Variants in OXR1 observed in about 807,000 individuals in gnomAD.
OXR1 encodes oxidation resistance protein 1.
A neutral mutation model predicts 104.6 loss-of-function variants in OXR1; 41 were observed. The ratio of observed to expected loss-of-function variants is 0.39; its 90% CI spans 0.31 to 0.51. OXR1 has a LOEUF of 0.51. OXR1 is among the 20% of genes least tolerant of loss of function. OXR1 has a pLI of 0.77. For synonymous variants in OXR1, 348 were observed against 348.4 expected (o/e 1.00, Z 0.01); for missense variants, 955 against 1,031.9 (o/e 0.93, Z 1.02).
chr8:106,554,742 G>A (rs184074366), intron 3 of OXR1, among the ~76,000 whole-genome samples: 135 of 152,222 alleles, frequency 8.9e-4, no homozygotes, highest in Admixed American at 2.8e-3. Context: ...CAAATTATAT[G>A]AGAACCAGTG....
At chr8:106,516,005 T>G (rs1812832126) in intron 2 of OXR1, among the ~76,000 whole-genome samples, 1 of 152,126 alleles carries the variant, frequency 6.6e-6, no homozygotes, top group Admixed American at 6.6e-5. Flanking sequence ...TTAAGAACCT[T>G]GAAGCTCTAT....
At chr8:106,507,622 G>T (rs1294767958) in intron 2 of OXR1, among the ~76,000 whole-genome samples, 4 of 152,234 alleles carry the variant, frequency 2.6e-5, no homozygotes. Context: ...GAAAAGGAGA[G>T]AAGAAATTAG....
intron 3 of OXR1, among the ~76,000 whole-genome samples, chr8:106,576,707 T>G (rs1208606335): frequency 1.3e-5 from 2 of 152,080 alleles, no homozygotes; most frequent in African/African-American, 4.8e-5. Flanking sequence ...ATTATTTGTT[T>G]TATAAAATAA....
chr8:106,476,689 C>T (rs1462804853), intron 2 of OXR1, among the ~76,000 whole-genome samples: 1 of 151,966 alleles, frequency 6.6e-6, no homozygotes, highest in Non-Finnish European at 1.5e-5. Flanking sequence ...GGGAACTTGT[C>T]TGCTGCCTGT....
At chr8:106,484,251 A>G (rs924743755) in intron 2 of OXR1, among the ~76,000 whole-genome samples, 4 of 152,036 alleles carry the variant, frequency 2.6e-5, no homozygotes, top group African/African-American at 9.7e-5. Context: ...TAGGACAACT[A>G]TAGTTAACAA....
intron 3 of OXR1, among the ~76,000 whole-genome samples, chr8:106,566,010 C>T (rs1284807055): frequency 6.6e-6 from 1 of 152,114 alleles, no homozygotes; most frequent in African/African-American, 2.4e-5. Context: ...AGACTCAAAA[C>T]CATAAAAACC....
intron 1 of OXR1, among the ~76,000 whole-genome samples, chr8:106,344,017 G>A (rs1018109804): frequency 6.6e-6 from 1 of 152,094 alleles, no homozygotes; most frequent in Non-Finnish European, 1.5e-5. Context: ...CCAGATGACT[G>A]GTAGTTCAGA....
At chr8:106,713,730 T>A (rs1831944767) in intron 10 of OXR1, 93 bp from the exon 11 acceptor site, 1 of 663,686 alleles carries the variant, frequency 1.5e-6, no homozygotes, top group African/African-American at 1.9e-5. Flanking sequence ...ATATTTTAAG[T>A]CTTCAAGATT....
chr8:106,509,484 G>A (rs1255047881), intron 2 of OXR1, among the ~76,000 whole-genome samples: 2 of 152,176 alleles, frequency 1.3e-5, no homozygotes, highest in African/African-American at 4.8e-5. Flanking sequence ...AAGGAAACAT[G>A]CTACATATTT....
At chr8:106,386,655 G>GA (rs1484922478) in intron 2 of OXR1, among the ~76,000 whole-genome samples, 1 of 152,140 alleles carries the variant, frequency 6.6e-6, no homozygotes, top group African/African-American at 2.4e-5. Flanking sequence ...AAGTCAAGGG[G>GA]AAAATGGGAA....
At chr8:106,493,939 A>G (rs1350447847) in intron 2 of OXR1, among the ~76,000 whole-genome samples, 1 of 152,174 alleles carries the variant, frequency 6.6e-6, no homozygotes, top group Non-Finnish European at 1.5e-5. Context: ...CATGGTCTTG[A>G]CTAATATATT....
intron 1 of OXR1, among the ~76,000 whole-genome samples, chr8:106,293,482 C>T (rs1812843129): frequency 6.6e-6 from 1 of 152,172 alleles, no homozygotes; most frequent in Admixed American, 6.5e-5. Flanking sequence ...TGGTTGCCAA[C>T]ATTACTTGGA....
chr8:106,325,998 C>G (rs1814453933), intron 1 of OXR1, among the ~76,000 whole-genome samples: 2 of 152,128 alleles, frequency 1.3e-5, no homozygotes, highest in Non-Finnish European at 2.9e-5. Context: ...TATGTATAGT[C>G]ATTAGTTATC....
chr8:106,395,102 A>T (rs1322973951), intron 2 of OXR1, among the ~76,000 whole-genome samples: 2 of 152,172 alleles, frequency 1.3e-5, no homozygotes, highest in African/African-American at 4.8e-5. Context: ...GTGCATAGCG[A>T]TACCTTCTGG....
chr8:106,577,502 G>T (rs1316853872), intron 3 of OXR1, among the ~76,000 whole-genome samples: 2 of 143,396 alleles, frequency 1.4e-5, no homozygotes, highest in Non-Finnish European at 3.0e-5. Flanking sequence ...CCATTCTCCT[G>T]CCTCAACCTC....
chr8:106,432,983 C>T (rs1819422810), intron 2 of OXR1, among the ~76,000 whole-genome samples: 1 of 152,090 alleles, frequency 6.6e-6, no homozygotes, highest in African/African-American at 2.4e-5. Context: ...TCTATAACTG[C>T]CCAATGGGTT....
At chr8:106,323,035 G>T (rs917850872) in intron 1 of OXR1, among the ~76,000 whole-genome samples, 4 of 151,798 alleles carry the variant, frequency 2.6e-5, no homozygotes, top group African/African-American at 9.7e-5. Context: ...GAAAAAAAAA[G>T]ACTATTTTAA....
intron 1 of OXR1, among the ~76,000 whole-genome samples, chr8:106,324,402 T>C (rs1244498372): frequency 6.6e-6 from 1 of 152,012 alleles, no homozygotes; most frequent in African/African-American, 2.4e-5. Context: ...AAAAGATAGC[T>C]ATTGGGTACT....
At chr8:106,627,823 C>T (rs1476519789) in intron 3 of OXR1, among the ~76,000 whole-genome samples, 1 of 152,122 alleles carries the variant, frequency 6.6e-6, no homozygotes, top group Non-Finnish European at 1.5e-5. Flanking sequence ...AAAGCCTTTA[C>T]CATAGCAGGA....
Sources: allele counts gnomAD v4.1 joint callset (sites outside exome capture counted in the v4.1 genomes callset), GRCh38; gene constraint gnomAD v4.1.1; transcripts MANE v1.5; gene names NCBI Gene and HGNC (gene_info 2026-07-23, HGNC 2026-07-21).